Variants in CAPG observed in about 807,000 individuals in gnomAD.
The protein encoded by CAPG is capping actin protein, gelsolin like.
A neutral mutation model predicts 44.6 loss-of-function variants in CAPG; 32 were observed. The observed-to-expected ratio is 0.72, with a 90% CI of 0.54 to 0.96. The LOEUF (loss-of-function observed/expected upper bound fraction) is 0.96. Among genes scored for constraint, CAPG ranks in the 50% least tolerant of loss-of-function variants. The pLI is 0.00. For synonymous variants in CAPG, 175 were observed against 179.6 expected (o/e 0.97, Z 0.20); for missense variants, 412 against 438.3 (o/e 0.94, Z 0.54).
At position 85,398,109 on chromosome 2, in the gene CAPG, T is replaced by G; in HGVS notation, c.803A>C (p.Asp268Ala). Reference sequence around the variant, plus strand: ...CAGTTCAAGGGCAAATGGGCTGGAGTCAGCCACCTTGGTCAGGTTCATCTG... The same window carrying G: ...CAGTTCAAGGGCAAATGGGCTGGAGGCAGCCACCTTGGTCAGGTTCATCTG... ...TGQMNLTKVA[D>A]SSPFALELLI... The change falls in exon 8 of 10, where the codon GAC becomes GCC. Residue 268 changes from aspartate (D) to alanine (A), a missense_variant. Coordinates refer to ENST00000263867, the MANE Select transcript of CAPG (RefSeq NM_001747.4). The G allele has an allele frequency of 1.9e-6, 3 of 1,613,848 alleles. No individual in the cohort carries two copies. The highest frequency in any genetic ancestry group is 2.5e-6 in the Non-Finnish European group (3 of 1,179,920).
intron 1 of CAPG, among the ~76,000 whole-genome samples, chr2:85,406,259 A>AAAAAAAAGAAAAG (rs1553426957): frequency 6.6e-6 from 1 of 151,386 alleles, no homozygotes. Flanking sequence ...TTCAAAAAAA[A>AAAAAAAAGAAAAG]AAAAAGAAAA....
intron 8 of CAPG, among the ~76,000 whole-genome samples, chr2:85,397,480 C>T (rs976268763): frequency 2.7e-5 from 4 of 145,462 alleles, no homozygotes; most frequent in Admixed American, 2.7e-4. Context: ...AGGCCGAGGC[C>T]GGTGCATCAC....
In CAPG at chr2:85,395,567, A is replaced by C. The variant is rs1486495949; in HGVS notation, c.952T>G (p.Ser318Ala). The C allele has an allele frequency of 2.5e-6, 4 of 1,613,902 alleles. No individual in the cohort carries two copies. ...GTGTTCGGGGCGTACTGCATGCGCG[A>C]GATGAAGCCCTCGGCCACCTGCAGG... ...AALQVAEGFI[S>A]RMQYAPNTQV... Residue 318 changes from serine (S) to alanine (A), a missense_variant, in exon 9 of 10, where the codon TCG becomes GCG. Ser to Ala is a moderately conservative substitution (Grantham distance 99, BLOSUM62 1). Transcript: ENST00000263867. This position sits in a 1 kb window ranked among gnomAD's most constrained non-coding sequence, Gnocchi z 4.3.
At position 85,401,174 on chromosome 2, in the gene CAPG, G is replaced by A. The variant is rs755570197; in HGVS notation, c.507C>T (p.Asp169=). The A allele has an allele frequency of 2.5e-6, 4 of 1,613,958 alleles. No individual in the cohort carries two copies. Among genetic ancestry groups the A allele is most frequent in the African/African-American group, 2.7e-5 (2 of 74,916 alleles). The change falls in exon 5 of 10, where the codon GAC becomes GAT. Residue 169 remains aspartate, a synonymous_variant. Transcript: ENST00000263867. Reference sequence around the variant, plus strand: ...TGGCCAGCCTACCCACCTGGCCCAGGTCCAGGATGAAGCAGTCCCCAGTGT... The same window carrying A: ...TGGCCAGCCTACCCACCTGGCCCAGATCCAGGATGAAGCAGTCCCCAGTGT... The part of the protein sequence containing the change: ...SFNTGDCFIL[D]LGQNIFAWCG...
chr2:85,395,902 T>G lies in CAPG; in HGVS notation c.893-276A>C, dbSNP rs1044056850. ...GCTCTGACCTGGGCCCCTGGAATAT[T>G]TCAGGGAGGGGAACAGGTGTTCACC... On this transcript the variant is annotated intron_variant, in intron 8 of 9. Transcript: ENST00000263867. This position sits in a 1 kb window ranked among gnomAD's most constrained non-coding sequence, Gnocchi z 4.3. The G allele has an allele frequency of 2.5e-5, 11 of 432,606 alleles. No homozygotes were observed. The highest frequency in any genetic ancestry group is 2.0e-4 in the African/African-American group (10 of 50,456). 26.8% of individuals were successfully genotyped at this position (432,606 alleles called of 1,614,324 possible). A position where few individuals can be genotyped will look rare whatever the true frequency, so the allele number is the denominator to read the frequency against.
intron 1 of CAPG, among the ~76,000 whole-genome samples, chr2:85,406,493 T>C (rs1301871056): frequency 6.6e-6 from 1 of 152,172 alleles, no homozygotes; most frequent in Non-Finnish European, 1.5e-5. Flanking sequence ...CGTGGATATC[T>C]GATTGGGTTC....
rs1558730054 is a variant in CAPG at position 85,398,029 on chromosome 2, T to C, written c.883A>G (p.Ile295Val). The change falls in exon 8 of 10, where the codon ATC (isoleucine) becomes GTC (valine). Residue 295 changes from isoleucine to valine, a missense_variant. Transcript: ENST00000263867. ...CAGAGGAGCCACGTACCCTTCCAGA[T>C]ATAGATCTTGCCACAGAGCCCGTTG... ...LDNGLCGKIY[I>V]WKGRKANEKE... 6 of 1,613,838 alleles carry C rather than the reference T, an allele frequency of 3.7e-6. No homozygotes were observed. Among genetic ancestry groups the C allele is most frequent in the Non-Finnish European group, 5.1e-6 (6 of 1,179,924 alleles).
At chr2:85,402,006 C>A (rs1366370614) in intron 2 of CAPG, 49 bp from the exon 3 acceptor site, 11 of 1,611,228 alleles carry the variant, frequency 6.8e-6, no homozygotes, top group Non-Finnish European at 9.3e-6. Flanking sequence ...CTTGCCCAAG[C>A]ACAGCCCTGG....
At chr2:85,400,294 A>C (rs906716255) in intron 5 of CAPG, among the ~76,000 whole-genome samples, 2 of 152,060 alleles carry the variant, frequency 1.3e-5, no homozygotes, top group African/African-American at 4.8e-5. Context: ...ACTTCTACCC[A>C]CCGCCCTGCC....
At position 85,399,955 on chromosome 2, in the gene CAPG, G is replaced by A. The variant is rs190381644; in HGVS notation, c.517-670C>T. ...GGGGTTTCTCCATGTTGGTCAGGCT[G>A]GTCTCGAACTCCCGACCTCAGGTGA... On this transcript the variant is annotated intron_variant, in intron 5 of 9. Coordinates refer to ENST00000263867, the MANE Select transcript of CAPG (RefSeq NM_001747.4). Among the ~76,000 whole-genome samples the A allele has an allele frequency of 4.6e-4, 70 of 152,070 alleles. 2 individuals are homozygous for A. Among genetic ancestry groups the A allele is most frequent in the African/African-American group, 1.6e-3 (67 of 41,492 alleles).
At position 85,397,704 on chromosome 2, in the gene CAPG, A is replaced by AAAAGAAAGAAAGAAAGAAAG. The variant is rs57572523; in HGVS notation, c.892+296_892+315dup. ...GGTAACAGAGCAAGATTCCTTCTCA[A>AAAAGAAAGAAAGAAAGAAAG]AAAGAAAGAAAGAAAGAAAGAAAGA... On this transcript the variant is annotated intron_variant, in intron 8 of 9. Coordinates refer to ENST00000263867, the MANE Select transcript of CAPG (RefSeq NM_001747.4). 2.8e-3 allele frequency among the ~76,000 whole-genome samples: 422 copies of AAAAGAAAGAAAGAAAGAAAG among 149,232 alleles called. 2 individuals carry two copies. The highest frequency in any genetic ancestry group is 8.1e-3 in the African/African-American group (328 of 40,438).
chr2:85,419,407 C>G (rs1687665202), upstream of CAPG, among the ~76,000 whole-genome samples: 1 of 152,216 alleles, frequency 6.6e-6, no homozygotes, highest in South Asian at 2.1e-4. Flanking sequence ...AGGGACTTAC[C>G]CAGACCCTTC....
chr2:85,398,034 ATCT>A lies in CAPG; in HGVS notation c.875_877del (p.Lys292del). ...GAGCCACGTACCCTTCCAGATATAG[ATCT>A]TGCCACAGAGCCCGTTGTCCAGCAC... On this transcript the variant is annotated inframe_deletion, in exon 8 of 10. Transcript: ENST00000263867. The A allele has an allele frequency of 6.2e-7, 1 of 1,613,976 alleles. No homozygotes were observed. The highest frequency in any genetic ancestry group is 1.3e-5 in the African/African-American group (1 of 75,022).
At chr2:85,392,338 C>T (rs547016432), downstream of CAPG, among the ~76,000 whole-genome samples, 11 of 148,116 alleles carry the variant, frequency 7.4e-5, no homozygotes, top group South Asian at 1.3e-3. Context: ...TGCAGTGAGT[C>T]GAGACTGTGC....
chr2:85,412,470 G>A (rs1170052162), upstream of CAPG, among the ~76,000 whole-genome samples: 3 of 152,114 alleles, frequency 2.0e-5, no homozygotes, highest in Admixed American at 1.3e-4. Flanking sequence ...CCGAGATTGC[G>A]CCATTGCACT....
upstream of CAPG, among the ~76,000 whole-genome samples, chr2:85,414,368 G>T (rs1687503762): frequency 6.6e-6 from 1 of 152,084 alleles, no homozygotes. Context: ...TCTTTGGGAG[G>T]CTCAGAGAGG....
chr2:85,394,582 T>C (rs528239455), downstream of CAPG, among the ~76,000 whole-genome samples: 7 of 152,302 alleles, frequency 4.6e-5, no homozygotes, highest in East Asian at 9.6e-4. Context: ...CACCTCCCTA[T>C]TGGGTTCATG....
intron 1 of CAPG, among the ~76,000 whole-genome samples, chr2:85,405,100 T>C (rs1467868737): frequency 1.3e-5 from 2 of 152,010 alleles, no homozygotes; most frequent in Non-Finnish European, 2.9e-5. Context: ...CCCTGAGAAA[T>C]TTCACCCACT....
At chr2:85,398,831 C>T in intron 6 of CAPG, 49 bp from the exon 7 acceptor site, 1 of 1,398,440 alleles carries the variant, frequency 7.2e-7, no homozygotes, top group South Asian at 1.3e-5. Flanking sequence ...TGCCCTGGAA[C>T]TTCCCAGCCC....
Sources: allele counts gnomAD v4.1 joint callset (sites outside exome capture counted in the v4.1 genomes callset), GRCh38; gene constraint gnomAD v4.1.1; non-coding constraint Gnocchi (gnomAD v3.1); transcripts MANE v1.5; gene names NCBI Gene and HGNC (gene_info 2026-07-23, HGNC 2026-07-21).